The following CSTPP1 variants were observed in gnomAD, a reference collection of about 807,000 sequenced individuals.
The protein encoded by CSTPP1 is UPF0705 protein C11orf49.
At chr11:47,123,505 T>C in the CSTPP1 span, among the ~76,000 whole-genome samples, 2 of 152,224 alleles carry the variant, frequency 1.3e-5, no homozygotes, top group East Asian at 3.8e-4. Flanking sequence ...CATTATCTCA[T>C]GTATTCTTCA....
chr11:47,161,830 G>A, the CSTPP1 span: 1 of 1,391,772 alleles, frequency 7.2e-7, no homozygotes, highest in Non-Finnish European at 9.3e-7. Flanking sequence ...TGAATGGCCT[G>A]CTCTCCCTGG....
chr11:47,018,150 GT>G, the CSTPP1 span, among the ~76,000 whole-genome samples: 3 of 151,992 alleles, frequency 2.0e-5, no homozygotes, highest in Non-Finnish European at 4.4e-5. Flanking sequence ...GGATATTTGG[GT>G]TTCCCCCAAT....
chr11:47,000,122 A>G, the CSTPP1 span, among the ~76,000 whole-genome samples: 1 of 152,218 alleles, frequency 6.6e-6, no homozygotes, highest in Admixed American at 6.5e-5. Flanking sequence ...GGTAAAAGAA[A>G]TTAATATTTA....
the CSTPP1 span, among the ~76,000 whole-genome samples, chr11:46,959,321 T>G: frequency 6.6e-6 from 1 of 152,130 alleles, no homozygotes; most frequent in African/African-American, 2.4e-5. Flanking sequence ...AGCTACTTGT[T>G]TAGGAAAGGG....
At chr11:47,100,045 C>A in the CSTPP1 span, among the ~76,000 whole-genome samples, 8 of 152,228 alleles carry the variant, frequency 5.3e-5, no homozygotes, top group East Asian at 1.5e-3. Context: ...CCACACCATG[C>A]TTTCCTATTT....
chr11:47,072,911 AT>A, the CSTPP1 span, among the ~76,000 whole-genome samples: 1 of 152,212 alleles, frequency 6.6e-6, no homozygotes, highest in South Asian at 2.1e-4. Flanking sequence ...GACACTGAAC[AT>A]TTATATTTAT....
At chr11:47,144,197 A>AT in the CSTPP1 span, among the ~76,000 whole-genome samples, 62 of 150,174 alleles carry the variant, frequency 4.1e-4, no homozygotes, top group African/African-American at 1.4e-3. Flanking sequence ...ATCAGTAATA[A>AT]TTTTTTTTTT....
chr11:46,955,046 A>G, the CSTPP1 span, among the ~76,000 whole-genome samples: 1 of 152,204 alleles, frequency 6.6e-6, no homozygotes, highest in Admixed American at 6.5e-5. Context: ...AAAAACAGAC[A>G]GGTACAGGCT....
chr11:46,959,681 A>T, the CSTPP1 span, among the ~76,000 whole-genome samples: 1 of 152,022 alleles, frequency 6.6e-6, no homozygotes, highest in Non-Finnish European at 1.5e-5. Context: ...CTCTTTTCTC[A>T]GTATAGCCAC....
At chr11:47,032,974 A>G in the CSTPP1 span, among the ~76,000 whole-genome samples, 1 of 152,218 alleles carries the variant, frequency 6.6e-6, no homozygotes, top group South Asian at 2.1e-4. Flanking sequence ...GTATTCCTAC[A>G]ACAAAGTAAG....
At chr11:47,098,141 T>C in the CSTPP1 span, among the ~76,000 whole-genome samples, 11 of 116,562 alleles carry the variant, frequency 9.4e-5, no homozygotes, top group Non-Finnish European at 1.9e-4. Context: ...CAATCCCTAA[T>C]CTCAAGTAAT....
the CSTPP1 span, among the ~76,000 whole-genome samples, chr11:46,938,908 C>G: frequency 1.1e-4 from 16 of 151,196 alleles, no homozygotes; most frequent in Admixed American, 9.3e-4. Flanking sequence ...TTCCAAGTAG[C>G]TGGGACTACA....
chr11:47,112,056 T>A, the CSTPP1 span, among the ~76,000 whole-genome samples: 2 of 152,134 alleles, frequency 1.3e-5, no homozygotes, highest in Admixed American at 6.5e-5. Context: ...GCACACTCCC[T>A]CCTTAAGACT....
At chr11:47,141,961 A>C in the CSTPP1 span, among the ~76,000 whole-genome samples, 2 of 128,380 alleles carry the variant, frequency 1.6e-5, no homozygotes, top group Admixed American at 8.1e-5. Context: ...AAAAAAAACC[A>C]CGACCAGGTG....
chr11:47,113,896 G>T, the CSTPP1 span, among the ~76,000 whole-genome samples: 2 of 152,072 alleles, frequency 1.3e-5, no homozygotes, highest in African/African-American at 2.4e-5. Flanking sequence ...CATTGCTTTT[G>T]GTGTTTTAGT....
chr11:47,106,719 G>C, the CSTPP1 span, among the ~76,000 whole-genome samples: 2 of 151,944 alleles, frequency 1.3e-5, no homozygotes, highest in Non-Finnish European at 2.9e-5. Flanking sequence ...TTTTTACCTA[G>C]GCAAAATGCC....
the CSTPP1 span, among the ~76,000 whole-genome samples, chr11:47,018,026 G>A: frequency 6.6e-6 from 1 of 152,134 alleles, no homozygotes. Flanking sequence ...TGCTTTGAGA[G>A]CTTTGAGATT....
the CSTPP1 span, among the ~76,000 whole-genome samples, chr11:47,150,079 C>G: frequency 6.6e-6 from 1 of 152,046 alleles, no homozygotes; most frequent in Non-Finnish European, 1.5e-5. Flanking sequence ...GATCTAAATG[C>G]AGCCATTTAT....
the CSTPP1 span, among the ~76,000 whole-genome samples, chr11:47,118,093 T>C: frequency 2.0e-5 from 3 of 152,232 alleles, no homozygotes; most frequent in South Asian, 4.1e-4. Flanking sequence ...TTGGTCAAGC[T>C]GGTCTCAAAC....
Sources: gnomAD v4.1 joint callset for allele counts (sites outside exome capture counted in the v4.1 genomes callset) on GRCh38, gnomAD v4.1.1 for gene constraint, MANE v1.5 for transcripts, NCBI Gene and HGNC (gene_info 2026-07-23, HGNC 2026-07-21) for gene names.